Variants in PDGFD observed in about 807,000 individuals in gnomAD.
PDGFD encodes platelet derived growth factor D.
In PDGFD, 30 loss-of-function variants were observed where a neutral mutation model predicts 44.7. The ratio of observed to expected loss-of-function variants is 0.67; its 90% CI spans 0.50 to 0.91. The LOEUF is 0.91. Ranked by LOEUF, PDGFD falls within the 40% of genes least tolerant of loss-of-function variation. PDGFD has a pLI of 0.00. For missense variants in PDGFD, 445 were observed against 457.8 expected (o/e 0.97, Z 0.25); for synonymous variants, 173 against 168.4 (o/e 1.03, Z -0.21).
intron 1 of PDGFD, among the ~76,000 whole-genome samples, chr11:104,140,755 C>T (rs939065232): frequency 6.6e-6 from 1 of 152,074 alleles, no homozygotes; most frequent in South Asian, 2.1e-4. Context: ...TTCTATTTTA[C>T]TATCTCCCTA....
chr11:104,034,405 G>A (rs963634696), intron 1 of PDGFD, among the ~76,000 whole-genome samples: 7 of 152,120 alleles, frequency 4.6e-5, no homozygotes, highest in Admixed American at 6.5e-5. Context: ...AGCAGTGAGC[G>A]AGACATAGTC....
rs1862070447 is a variant in PDGFD, at chr11:104,140,543, T to C, written c.124+23261A>G. On this transcript the variant is annotated intron_variant, in intron 1 of 6. Transcript: ENST00000393158. ...TTTTTTTCTTTCACCTAACCTCTAA[T>C]GGAAAGAGTCCCCCAACTTTCCTTC... 1.3e-5 allele frequency among the ~76,000 whole-genome samples: 2 copies of C among 151,868 alleles called. 1 individual carries two copies. The highest frequency in any genetic ancestry group is 4.1e-4 in the South Asian group (2 of 4,826).
At chr11:104,110,652 CTG>C (rs1861541182) in intron 1 of PDGFD, among the ~76,000 whole-genome samples, 1 of 152,058 alleles carries the variant, frequency 6.6e-6, no homozygotes, top group South Asian at 2.1e-4. Flanking sequence ...GCATAGGAAA[CTG>C]TGAAAGAAAT....
chr11:104,158,706 G>A (rs1418103716), intron 1 of PDGFD, among the ~76,000 whole-genome samples: 4 of 151,936 alleles, frequency 2.6e-5, no homozygotes, highest in Admixed American at 6.6e-5. Flanking sequence ...GGTGGCAGGC[G>A]CCTGTGGTCC....
chr11:103,998,168 G>A (rs1859564009), intron 2 of PDGFD, among the ~76,000 whole-genome samples: 1 of 152,164 alleles, frequency 6.6e-6, no homozygotes, highest in Non-Finnish European at 1.5e-5. Context: ...GAATTTCTGA[G>A]TGCTGGGGTT....
chr11:104,086,644 C>T (rs368311453), intron 1 of PDGFD, among the ~76,000 whole-genome samples: 1 of 152,174 alleles, frequency 6.6e-6, no homozygotes. Context: ...CGGTTCAGAC[C>T]AAAGGATATT....
intron 1 of PDGFD, among the ~76,000 whole-genome samples, chr11:104,149,218 A>C (rs1240917380): frequency 6.6e-6 from 1 of 152,150 alleles, no homozygotes; most frequent in Non-Finnish European, 1.5e-5. Context: ...ACTTAATGTC[A>C]TCTATAGGTT....
chr11:104,057,710 C>T (rs1034242025), intron 1 of PDGFD, among the ~76,000 whole-genome samples: 1 of 152,008 alleles, frequency 6.6e-6, no homozygotes, highest in Non-Finnish European at 1.5e-5. Flanking sequence ...CCAGAAATAG[C>T]TAAAACAATT....
At chr11:104,148,121 G>T (rs1458992135) in intron 1 of PDGFD, among the ~76,000 whole-genome samples, 1 of 152,110 alleles carries the variant, frequency 6.6e-6, no homozygotes, top group Admixed American at 6.6e-5. Flanking sequence ...TTTATTAGAT[G>T]ACTATAAGTT....
intron 1 of PDGFD, among the ~76,000 whole-genome samples, chr11:104,128,032 T>C (rs1861863746): frequency 6.6e-6 from 1 of 152,148 alleles, no homozygotes; most frequent in Non-Finnish European, 1.5e-5. Flanking sequence ...GATCAGGAAC[T>C]AATCCAGAAG....
intron 1 of PDGFD, among the ~76,000 whole-genome samples, chr11:104,122,524 T>C (rs1017158963): frequency 1.3e-5 from 2 of 151,890 alleles, no homozygotes; most frequent in East Asian, 1.9e-4. Flanking sequence ...CAGCAACCCA[T>C]TTCTCTGGGA....
At chr11:103,984,858 A>G (rs2134354156) in intron 3 of PDGFD, among the ~76,000 whole-genome samples, 1 of 142,292 alleles carries the variant, frequency 7.0e-6, no homozygotes, top group South Asian at 2.1e-4. Flanking sequence ...TATATAATAC[A>G]TTAATTTATC....
At chr11:103,950,844 G>A (rs866727059) in intron 3 of PDGFD, among the ~76,000 whole-genome samples, 24 of 152,126 alleles carry the variant, frequency 1.6e-4, no homozygotes, top group South Asian at 2.1e-4. Flanking sequence ...GTTCTATGAG[G>A]ACACCCTTTG....
At chr11:104,051,831 A>T (rs1350380887) in intron 1 of PDGFD, among the ~76,000 whole-genome samples, 1 of 152,208 alleles carries the variant, frequency 6.6e-6, no homozygotes, top group Admixed American at 6.5e-5. Context: ...AAAATAAAAA[A>T]AAATTATGGT....
intron 6 of PDGFD, among the ~76,000 whole-genome samples, chr11:103,911,472 G>A (rs1325437829): frequency 1.3e-5 from 2 of 152,122 alleles, no homozygotes. Context: ...CCCATCTGAA[G>A]GTCAACAACA....
chr11:104,000,269 C>T lies in PDGFD; in HGVS notation c.125-14G>A. 1 of 1,605,712 alleles carries T rather than the reference C, an allele frequency of 6.2e-7. No individual in the cohort carries two copies. Among genetic ancestry groups the T allele is most frequent in the Admixed American group, 1.7e-5 (1 of 59,906 alleles). ...GGTGATTGCTCTCTGTTAGTAGTCA[C>T]AACTTGTAGAAATTAGTATGTTGCT... is the stretch of plus-strand genomic sequence containing the variant. On this transcript the variant is annotated splice_polypyrimidine_tract_variant and intron_variant, in intron 1 of 6. Coordinates refer to ENST00000393158, the MANE Select transcript of PDGFD (RefSeq NM_025208.5).
chr11:104,062,919 G>C (rs1473743747), intron 1 of PDGFD, among the ~76,000 whole-genome samples: 1 of 152,112 alleles, frequency 6.6e-6, no homozygotes, highest in African/African-American at 2.4e-5. Context: ...GTATTCCTGT[G>C]AAACGTTGTG....
chr11:104,037,698 A>T, intron 1 of PDGFD: 1 of 1,614,102 alleles, frequency 6.2e-7, no homozygotes, highest in South Asian at 1.1e-5. Flanking sequence ...TTGCTAAAGG[A>T]GTGGGCACAC....
chr11:103,994,176 T>C (rs1038084921), intron 3 of PDGFD, among the ~76,000 whole-genome samples: 3 of 152,360 alleles, frequency 2.0e-5, no homozygotes, highest in East Asian at 1.9e-4. Context: ...GTTGTAGTTA[T>C]GGTGTTTCCA....
Sources: gnomAD v4.1 joint callset for allele counts (sites outside exome capture counted in the v4.1 genomes callset) on GRCh38, gnomAD v4.1.1 for gene constraint, MANE v1.5 for transcripts, NCBI Gene and HGNC (gene_info 2026-07-23, HGNC 2026-07-21) for gene names.